C16orf96: variants seen among roughly 807,000 people sequenced by gnomAD.
C16orf96 encodes uncharacterized protein C16orf96.
In C16orf96, 108 loss-of-function variants were observed where a neutral mutation model predicts 103.6. That is an observed-to-expected ratio of 1.04 (90% confidence interval 0.89 to 1.22). The LOEUF (loss-of-function observed/expected upper bound fraction) is 1.22, where lower values mean the gene tolerates loss of function less well. C16orf96 is among the 50% of genes most tolerant of loss of function. The probability of loss-of-function intolerance (pLI) is 0.00; values close to 1 mark genes in which losing one functional copy is unlikely to be tolerated. For synonymous variants in C16orf96, 566 were observed against 593.5 expected, an observed-to-expected ratio of 0.95 and a Z score of 0.67; for missense variants, 1,586 against 1,464.2, an observed-to-expected ratio of 1.08 and a Z score of -1.36.
chr16:4,579,078 G>T (rs2059549989), intron 6 of C16orf96, 53 bp downstream of exon 6: 2 of 1,468,952 alleles, frequency 1.4e-6, no homozygotes, highest in Non-Finnish European at 9.3e-7. Flanking sequence ...GAGGTGAGCT[G>T]GCTGAAGACT....
chr16:4,574,797 C>T lies in C16orf96; in HGVS notation c.606+8C>T. The stretch of plus-strand genomic sequence containing the variant: ...GCACTGCAGCGGGAAGTGGTGAGGG[C>T]CACCATCCCTGTCTTCCCCCACTCC... On this transcript the variant is annotated splice_region_variant and intron_variant, in intron 3 of 15. Coordinates refer to ENST00000444310, the MANE Select transcript of C16orf96 (RefSeq NM_001145011.2). 1 of 1,550,964 alleles carries T rather than the reference C, an allele frequency of 6.4e-7. No homozygotes were observed. Among genetic ancestry groups the T allele is most frequent in the Non-Finnish European group, 8.7e-7 (1 of 1,146,662 alleles).
upstream of C16orf96, among the ~76,000 whole-genome samples, chr16:4,555,269 TACACACACACAC>T (rs71139639): frequency 0.15 from 21,206 of 145,568 alleles, 2,136 homozygotes; most frequent in African/African-American, 0.29. Context: ...TCACACACAC[TACACACACACAC>T]ACACACACAC....
At chr16:4,557,755 G>A (rs952546663) in intron 1 of C16orf96, among the ~76,000 whole-genome samples, 2 of 151,824 alleles carry the variant, frequency 1.3e-5, no homozygotes, top group South Asian at 2.1e-4. Flanking sequence ...CTGTAGCCTC[G>A]ACCTCCCAGA....
intron 1 of C16orf96, among the ~76,000 whole-genome samples, chr16:4,558,855 C>G (rs1161181625): frequency 6.8e-6 from 1 of 146,400 alleles, no homozygotes; most frequent in Non-Finnish European, 1.5e-5. Flanking sequence ...GCGGAACTTG[C>G]AGTGAGCCGA....
chr16:4,580,319 C>G (rs1283489622), intron 7 of C16orf96, among the ~76,000 whole-genome samples, 194 bp downstream of exon 7: 1 of 134,486 alleles, frequency 7.4e-6, no homozygotes, highest in Non-Finnish European at 1.6e-5. Flanking sequence ...CACCCCCCCC[C>G]ACCCATATAA....
chr16:4,547,428 C>T, the C16orf96 span, among the ~76,000 whole-genome samples: 97,231 of 149,588 alleles, frequency 0.65, 35,765 homozygotes, highest in East Asian at 0.89. Flanking sequence ...TGAGCCACTG[C>T]GCACGGCCCA....
chr16:4,551,996 A>G (rs1256750796), upstream of C16orf96, among the ~76,000 whole-genome samples: 2 of 151,630 alleles, frequency 1.3e-5, no homozygotes, highest in Non-Finnish European at 2.9e-5. Flanking sequence ...CCCACTTATG[A>G]GTGAGAATAT....
At chr16:4,582,731 C>T (rs1596531225) in intron 7 of C16orf96, among the ~76,000 whole-genome samples, 1 of 152,264 alleles carries the variant, frequency 6.6e-6, no homozygotes, top group African/African-American at 2.4e-5. Flanking sequence ...GGAGCTGGAG[C>T]CAGTTCCATT....
At chr16:4,579,095 C>G in intron 6 of C16orf96, 70 bp downstream of exon 6, 1 of 1,326,888 alleles carries the variant, frequency 7.5e-7, no homozygotes, top group Non-Finnish European at 1.1e-6. Context: ...GACTCCTTGA[C>G]TCTGCCCCCC....
chr16:4,543,640 T>C, the C16orf96 span, among the ~76,000 whole-genome samples: 2 of 151,520 alleles, frequency 1.3e-5, no homozygotes, highest in South Asian at 4.2e-4. Context: ...CCGTATTTTA[T>C]TTATTTATCT....
chr16:4,588,059 G>A, intron 8 of C16orf96, 108 bp from the exon 9 acceptor site: 1 of 1,168,370 alleles, frequency 8.6e-7, no homozygotes, highest in South Asian at 1.7e-5. Context: ...AAGGCTAAAA[G>A]TCCAGAGTCC....
At chr16:4,599,017 G>A (rs138508953) in intron 14 of C16orf96, among the ~76,000 whole-genome samples, 269 of 152,088 alleles carry the variant, frequency 1.8e-3, no homozygotes, top group African/African-American at 6.2e-3. Flanking sequence ...TACTCGGGAG[G>A]CTGAGTTAGG....
rs60143866 is a variant in C16orf96, at chr16:4,567,692, C to CT, written c.421-3844dup. Reference sequence around the variant, plus strand: ...AATTTTCAATAGTTTCTTCTGTTGCCTTTTTTTTTTTTTTTTTTTTTTTTT... The same window carrying CT: ...AATTTTCAATAGTTTCTTCTGTTGCCTTTTTTTTTTTTTTTTTTTTTTTTTT... On this transcript the variant is annotated intron_variant, in intron 1 of 15. Transcript: ENST00000444310. Among the ~76,000 whole-genome samples the CT allele has an allele frequency of 3.8e-3, 171 of 44,552 alleles. 5 individuals are homozygous for CT. The highest frequency in any genetic ancestry group is 0.012 in the African/African-American group (139 of 11,602). The allele number at this position is 44,552 out of a possible 152,430, so 29.2% of individuals were successfully genotyped here.
In C16orf96 at chr16:4,575,190, C is replaced by G. The variant is rs769192653; in HGVS notation, c.710C>G (p.Pro237Arg). The change falls in exon 5 of 16, where the codon CCA (proline) becomes CGA (arginine). Residue 237 changes from proline to arginine, a missense_variant. Pro to Arg is a moderately radical substitution (Grantham distance 103, BLOSUM62 -2). Coordinates refer to ENST00000444310, the MANE Select transcript of C16orf96 (RefSeq NM_001145011.2). ...CTTCTGCAGGAAATTGGTTCATCAC[C>G]ACTGGACCTGTGGCAGTCTGTAGAG... ...AMFTSEIGSS[P>R]LDLWQSVEQL... The G allele has an allele frequency of 4.5e-6, 7 of 1,546,578 alleles. No homozygotes were observed. In the African/African-American group the frequency reaches 9.6e-5, roughly 21 times the overall value.
intron 1 of C16orf96, among the ~76,000 whole-genome samples, chr16:4,565,270 A>T (rs1325796754): frequency 6.6e-6 from 1 of 151,944 alleles, no homozygotes; most frequent in African/African-American, 2.4e-5. Flanking sequence ...TTTCCCTTGA[A>T]CTCAGCACCA....
rs1011662343 is a variant in C16orf96, at chr16:4,593,789, CTG to C, written c.2867+474_2867+475del. 6.6e-6 allele frequency among the ~76,000 whole-genome samples: 1 copy of C among 152,150 alleles called. No homozygotes were observed. Among genetic ancestry groups the C allele is most frequent in the African/African-American group, 2.4e-5 (1 of 41,426 alleles). Reference sequence around the variant, plus strand: ...CCATCCCATGTCACAGTTGAAGAAACTGAGGCTCAGAGAACTGCAGTGACCTG... The same window carrying C: ...CCATCCCATGTCACAGTTGAAGAAACAGGCTCAGAGAACTGCAGTGACCTG... On this transcript the variant is annotated intron_variant, in intron 12 of 15. Transcript: ENST00000444310. The surrounding 1 kb of genome is among the most constrained non-coding windows in gnomAD (Gnocchi z 4.2).
At chr16:4,548,814 A>C in the C16orf96 span, among the ~76,000 whole-genome samples, 1 of 150,194 alleles carries the variant, frequency 6.7e-6, no homozygotes, top group Non-Finnish European at 1.5e-5. Context: ...CGGAGGTTGC[A>C]GTGAGCCAAG....
chr16:4,599,140 T>A, intron 14 of C16orf96, 144 bp from the exon 15 acceptor site: 1 of 655,316 alleles, frequency 1.5e-6, no homozygotes, highest in Non-Finnish European at 2.6e-6. Flanking sequence ...GGAAGAACAT[T>A]GATTATCCCA....
At chr16:4,553,819 G>A (rs1180176052), upstream of C16orf96, among the ~76,000 whole-genome samples, 1 of 152,146 alleles carries the variant, frequency 6.6e-6, no homozygotes, top group African/African-American at 2.4e-5. Flanking sequence ...TGTTACATAT[G>A]TTATTTCTAG....
Sources: gnomAD v4.1 joint callset for allele counts (sites outside exome capture counted in the v4.1 genomes callset) on GRCh38, gnomAD v4.1.1 for gene constraint, Gnocchi (gnomAD v3.1) non-coding constraint, MANE v1.5 for transcripts, NCBI Gene and HGNC (gene_info 2026-07-23, HGNC 2026-07-21) for gene names.